The following COX7A2L variants were observed in gnomAD, a reference collection of about 807,000 sequenced individuals.
COX7A2L encodes the protein cytochrome c oxidase subunit 7A2 like, also known as cytochrome c oxidase subunit 7A2-like, mitochondrial.
In COX7A2L, 18 loss-of-function variants were observed where a neutral mutation model predicts 14.2. The observed-to-expected ratio is 1.27, with a 90% confidence interval of 0.88 to 1.88. The LOEUF is 1.88. Ranked by LOEUF, COX7A2L falls within the 40% of genes most tolerant of loss-of-function variation. The pLI is 0.00. For missense variants in COX7A2L, 179 were observed against 138.8 expected, an observed-to-expected ratio of 1.29 and a Z score of -1.46; for synonymous variants, 65 against 57.4, an observed-to-expected ratio of 1.13 and a Z score of -0.60.
chr2:42,362,117 AG>A (rs894175489), upstream of COX7A2L, among the ~76,000 whole-genome samples: 2 of 152,186 alleles, frequency 1.3e-5, no homozygotes, highest in Non-Finnish European at 2.9e-5. Context: ...TAAATGAGGT[AG>A]GGGGAGGGTG....
rs1050747849 is a variant in COX7A2L, at chr2:42,342,163, C to A, written c.193-8294G>T. Among the ~76,000 whole-genome samples, 5 of 152,122 alleles carry A rather than the reference C, an allele frequency of 3.3e-5. No homozygotes were observed. Among genetic ancestry groups the A allele is most frequent in the African/African-American group, 1.2e-4 (5 of 41,420 alleles). On this transcript the variant is annotated intron_variant, in intron 2 of 2. Coordinates refer to the COX7A2L transcript ENST00000468711. The surrounding 1 kb of genome is among the most constrained non-coding windows in gnomAD (Gnocchi z 4.9). ...GAGGCTGAGCTGAGCAACCACGCTG[C>A]CTCCATGCTTGAGCTCAGGGCTCCA...
At chr2:42,360,705 C>G (rs1670998216) in intron 1 of COX7A2L, among the ~76,000 whole-genome samples, 1 of 43,008 alleles carries the variant, frequency 2.3e-5, no homozygotes, top group African/African-American at 1.1e-4. Flanking sequence ...GCCTATGGGG[C>G]TCTGGCAGAT....
chr2:42,366,204 C>T (rs1572806249), upstream of COX7A2L, among the ~76,000 whole-genome samples: 1 of 152,168 alleles, frequency 6.6e-6, no homozygotes, highest in Non-Finnish European at 1.5e-5. Context: ...CCAAGACCAG[C>T]GGATCACTTG....
rs1006512879 is a variant in COX7A2L, at chr2:42,353,449, A to G, written c.73-106T>C. On this transcript the variant is annotated intron_variant, in intron 1 of 2. Transcript: ENST00000234301. ...TACGAGAGAGCAAGAAAGTCTCTCC[A>G]ACTTTCCCAGAGCAAACCCTGTCAA... 7 of 1,459,424 alleles carry G rather than the reference A, an allele frequency of 4.8e-6. No individual in the cohort carries two copies. The Middle Eastern group carries it at 5.4e-4, about 112-fold the overall frequency. 90.4% of individuals were successfully genotyped at this position (1,459,424 alleles called of 1,614,324 possible).
intron 2 of COX7A2L, among the ~76,000 whole-genome samples, chr2:42,352,441 C>A (rs746139387): frequency 6.6e-6 from 1 of 152,170 alleles, no homozygotes; most frequent in Non-Finnish European, 1.5e-5. Flanking sequence ...AGCCACCACA[C>A]CTGGCCTGTT....
chr2:42,345,202 G>C (rs568824939), downstream of COX7A2L, among the ~76,000 whole-genome samples: 1 of 151,980 alleles, frequency 6.6e-6, no homozygotes, highest in South Asian at 2.1e-4. Context: ...GACCAACATG[G>C]AGAAACCCTG....
chr2:42,345,437 GCTC>G (rs895225261), downstream of COX7A2L, among the ~76,000 whole-genome samples: 2 of 151,942 alleles, frequency 1.3e-5, no homozygotes, highest in Admixed American at 1.3e-4. Context: ...AACTTAGCTG[GCTC>G]CTCCTTCAAT....
upstream of COX7A2L, chr2:42,361,285 G>A (rs1055512433): frequency 7.1e-6 from 6 of 847,224 alleles, no homozygotes; most frequent in African/African-American, 5.2e-5. Flanking sequence ...AGGGCTGCCC[G>A]AAGATCGCCT....
At position 42,368,608 on chromosome 2, in the gene COX7A2L, T is replaced by C. The variant is rs1341224415; in HGVS notation, c.-688+260A>G. ...AGTGGCTTATGTATCTGCCACAAGA[T>C]TCTTCACTTCACTGAGCCTCAGTTT... On this transcript the variant is annotated intron_variant, in intron 1 of 3. Coordinates refer to the COX7A2L transcript ENST00000378669. Among the ~76,000 whole-genome samples the C allele has an allele frequency of 2.0e-5, 3 of 152,252 alleles. No homozygotes were observed. The East Asian group carries it at 5.8e-4, about 29-fold the overall frequency.
intron 1 of COX7A2L, 106 bp downstream of exon 1, chr2:42,360,984 C>A: frequency 8.2e-7 from 1 of 1,225,190 alleles, no homozygotes; most frequent in South Asian, 1.3e-5. Context: ...CAGAGACGAA[C>A]TCGACCGCGG....
intron 2 of COX7A2L, 74 bp downstream of exon 2, chr2:42,353,138 G>C (rs1670699647): frequency 6.5e-7 from 1 of 1,530,984 alleles, no homozygotes; most frequent in Non-Finnish European, 8.9e-7. Context: ...ACTAGATTAA[G>C]ATTTAGTTTC....
chr2:42,355,879 C>T (rs1572796293), intron 1 of COX7A2L, among the ~76,000 whole-genome samples: 1 of 151,924 alleles, frequency 6.6e-6, no homozygotes, highest in Admixed American at 6.6e-5. Context: ...GTGCACGCCA[C>T]CACGCCCAGC....
intron 2 of COX7A2L, 124 bp downstream of exon 2, chr2:42,353,088 A>T (rs1670697388): frequency 1.7e-6 from 2 of 1,180,142 alleles, no homozygotes; most frequent in Non-Finnish European, 2.4e-6. Context: ...TAAAATCAAG[A>T]GAATACTACT....
intron 1 of COX7A2L, among the ~76,000 whole-genome samples, chr2:42,360,597 T>C (rs1304508261): frequency 6.6e-6 from 1 of 152,122 alleles, no homozygotes; most frequent in Non-Finnish European, 1.5e-5. Context: ...CCTGTTAAAT[T>C]TCCCAACCCA....
chr2:42,346,034 C>A (rs1670490789), downstream of COX7A2L, among the ~76,000 whole-genome samples: 1 of 152,288 alleles, frequency 6.6e-6, no homozygotes, highest in South Asian at 2.1e-4. Flanking sequence ...AGATTCTGCA[C>A]CGTCAATTAA....
At chr2:42,358,915 G>C (rs1044994610) in intron 1 of COX7A2L, among the ~76,000 whole-genome samples, 14 of 152,162 alleles carry the variant, frequency 9.2e-5, no homozygotes, top group Admixed American at 6.5e-4. Flanking sequence ...AGGACTGCCT[G>C]AGCCGGGGAG....
rs184196256 is a variant in COX7A2L at position 42,339,748 on chromosome 2, C to T, written c.193-5879G>A. Among the ~76,000 whole-genome samples, 38 of 152,290 alleles carry T rather than the reference C, an allele frequency of 2.5e-4. No homozygotes were observed. Among genetic ancestry groups the T allele is most frequent in the Middle Eastern group, 3.4e-3 (1 of 294 alleles). On this transcript the variant is annotated intron_variant, in intron 2 of 2. Transcript: ENST00000468711. The surrounding 1 kb of genome is among the most constrained non-coding windows in gnomAD (Gnocchi z 5.4). Reference sequence around the variant, plus strand: ...TGGGATGCTGCCAGCACTCAGAAGTCGGCCTGTGACCCGCTCCTGTCAGGG... The same window carrying T: ...TGGGATGCTGCCAGCACTCAGAAGTTGGCCTGTGACCCGCTCCTGTCAGGG...
rs1670580772 is a variant in COX7A2L, at chr2:42,349,753, T to C, written c.*1466A>G. 1 of 152,232 alleles carries C rather than the reference T, an allele frequency of 6.6e-6. No individual in the cohort carries two copies. The highest frequency in any genetic ancestry group is 1.5e-5 in the Non-Finnish European group (1 of 68,038). The allele number at this position is 152,232 out of a possible 1,614,324, so 9.4% of individuals were successfully genotyped here. A position where few individuals can be genotyped will look rare whatever the true frequency, so the allele number is the denominator to read the frequency against. ...AACTTTATTGAGTCTGACAACTGCA[T>C]TATGGTTATAAAGGAACACATGTCC... is the stretch of plus-strand genomic sequence containing the variant. On this transcript the variant is annotated 3_prime_UTR_variant, in exon 3 of 3. Transcript: ENST00000234301.
At chr2:42,360,966 A>C (rs941073278) in intron 1 of COX7A2L, 124 bp downstream of exon 1, 12 of 974,372 alleles carry the variant, frequency 1.2e-5, no homozygotes, top group Non-Finnish European at 1.8e-5. Context: ...CGGGAGGTGC[A>C]AGGAGAACAG....
Sources: allele counts gnomAD v4.1 joint callset (sites outside exome capture counted in the v4.1 genomes callset), GRCh38; gene constraint gnomAD v4.1.1; non-coding constraint Gnocchi (gnomAD v3.1); transcripts MANE v1.5; gene names NCBI Gene and HGNC (gene_info 2026-07-23, HGNC 2026-07-21).